The following HBS1L variants were observed in gnomAD, a reference collection of about 807,000 sequenced individuals.
HBS1L encodes HBS1 like translational GTPase.
Under a neutral mutation model 88.9 loss-of-function variants are expected in HBS1L, and 55 were observed. That is an observed-to-expected ratio of 0.62 (90% CI 0.50 to 0.77). The LOEUF (loss-of-function observed/expected upper bound fraction) is 0.77. Ranked by LOEUF, HBS1L falls within the 30% of genes least tolerant of loss-of-function variation. The pLI, the probability that HBS1L is intolerant of heterozygous loss-of-function variation, is 0.00. For synonymous variants in HBS1L, 267 were observed against 288.5 expected, an observed-to-expected ratio of 0.93 and a Z score of 0.76; for missense variants, 741 against 829.3, an observed-to-expected ratio of 0.89 and a Z score of 1.31.
chr6:135,032,183 A>T (rs34784084), intron 4 of HBS1L, among the ~76,000 whole-genome samples: 5,791 of 152,122 alleles, frequency 0.038, 187 homozygotes, highest in Non-Finnish European at 0.06. Context: ...TATAGAAATA[A>T]AACAGTACTT....
At position 134,964,543 on chromosome 6, in the gene HBS1L, G is replaced by A. The variant is rs1489523842; in HGVS notation, c.*736C>T. The A allele has an allele frequency of 6.6e-6, 1 of 152,120 alleles. No individual in the cohort carries two copies. Among genetic ancestry groups the A allele is most frequent in the Non-Finnish European group, 1.5e-5 (1 of 68,010 alleles). 9.4% of individuals were successfully genotyped at this position (152,120 alleles called of 1,614,324 possible). ...TGACAGAGCTAGGAAACTCTTAGGT[G>A]AAAAAGATCCCACAAAACCCCTAAA... On this transcript the variant is annotated 3_prime_UTR_variant, in exon 18 of 18. Coordinates refer to ENST00000367837, the MANE Select transcript of HBS1L (RefSeq NM_006620.4).
At chr6:134,994,147 A>G (rs896420853) in intron 7 of HBS1L, among the ~76,000 whole-genome samples, 3 of 152,158 alleles carry the variant, frequency 2.0e-5, no homozygotes, top group African/African-American at 7.2e-5. Context: ...TTTGTAAGAA[A>G]TAGTGTAAAT....
chr6:134,967,858 C>G (rs1414854516), intron 16 of HBS1L, among the ~76,000 whole-genome samples: 2 of 152,184 alleles, frequency 1.3e-5, no homozygotes, highest in Admixed American at 1.3e-4. Context: ...ACAATACAGC[C>G]TAAAAATAGT....
rs139538692 is a variant in HBS1L, at chr6:134,966,448, A to C, written c.1924T>G (p.Leu642Val). ...GGTCTTTGTGTCTGTAGCTCTACCA[A>C]TGCATTCTGGCCTTTAGTCAAAAAC... ...PKFLTKGQNALVELQTQRPIA... is the reference protein window; with the variant it reads ...PKFLTKGQNAVVELQTQRPIA... The change falls in exon 17 of 18, where the codon TTG becomes GTG. Residue 642 changes from leucine (L) to valine (V), a missense_variant. Transcript: ENST00000367837. 19 of 1,606,840 alleles carry C rather than the reference A, an allele frequency of 1.2e-5. No homozygotes were observed. The highest frequency in any genetic ancestry group is 1.5e-5 in the Non-Finnish European group (18 of 1,176,568).
At chr6:135,044,565 A>C (rs941219167) in intron 2 of HBS1L, among the ~76,000 whole-genome samples, 9 of 152,214 alleles carry the variant, frequency 5.9e-5, no homozygotes, top group Non-Finnish European at 7.3e-5. Context: ...TCTTTCAATC[A>C]AATGACATCT....
chr6:135,006,568 A>G (rs1235211445), intron 4 of HBS1L, among the ~76,000 whole-genome samples: 1 of 152,172 alleles, frequency 6.6e-6, no homozygotes, highest in Non-Finnish European at 1.5e-5. Flanking sequence ...AAGGGGGGGA[A>G]ATGATGAAAG....
At chr6:134,989,566 C>T (rs1400046387) in intron 8 of HBS1L, among the ~76,000 whole-genome samples, 2 of 152,108 alleles carry the variant, frequency 1.3e-5, no homozygotes, top group Non-Finnish European at 2.9e-5. Context: ...TAATCCTCAC[C>T]ATAATGGAAA....
chr6:135,002,951 T>C (rs1775507062), intron 4 of HBS1L, 109 bp from the exon 5 acceptor site: 1 of 631,582 alleles, frequency 1.6e-6, no homozygotes, highest in South Asian at 2.1e-5. Context: ...ACAGAATTAA[T>C]GTCTTTATAA....
intron 4 of HBS1L, chr6:135,037,973 G>A (rs1236905179): frequency 6.5e-7 from 1 of 1,538,184 alleles, no homozygotes; most frequent in Admixed American, 2.1e-5. Flanking sequence ...GCTGACTGAG[G>A]ATAAGAACTT....
intron 7 of HBS1L, 72 bp from the exon 8 acceptor site, chr6:134,993,947 C>A: frequency 1.8e-6 from 1 of 569,140 alleles, no homozygotes; most frequent in Non-Finnish European, 3.0e-6. Context: ...TAATAGTCTA[C>A]ATGACCATCT....
intron 6 of HBS1L, 39 bp downstream of exon 6, chr6:134,997,358 C>T (rs1435960008): frequency 3.7e-6 from 6 of 1,611,190 alleles, no homozygotes; most frequent in Admixed American, 1.7e-5. Context: ...CAGGCTAAGG[C>T]ATGGCTGGCT....
chr6:135,030,244 A>T (rs1776345891), intron 4 of HBS1L, among the ~76,000 whole-genome samples: 1 of 152,202 alleles, frequency 6.6e-6, no homozygotes, highest in Non-Finnish European at 1.5e-5. Flanking sequence ...TTACAACAGA[A>T]AGTCTATGTA....
intron 11 of HBS1L, 103 bp downstream of exon 11, chr6:134,985,963 T>C: frequency 1.5e-6 from 1 of 665,640 alleles, no homozygotes; most frequent in South Asian, 1.9e-5. Context: ...CGACTACAAA[T>C]CCTATGCTTT....
chr6:134,967,751 T>A (rs1774356168), intron 16 of HBS1L, among the ~76,000 whole-genome samples: 1 of 152,200 alleles, frequency 6.6e-6, no homozygotes, highest in Admixed American at 6.5e-5. Context: ...GTAAACCAAC[T>A]GACTAGGTTA....
intron 4 of HBS1L, among the ~76,000 whole-genome samples, chr6:135,014,878 C>T (rs937519840): frequency 1.5e-5 from 2 of 130,566 alleles, no homozygotes; most frequent in African/African-American, 2.9e-5. Context: ...AAAAAAACCA[C>T]AAAAAAATTA....
At chr6:134,996,476 T>C (rs1159411781) in intron 7 of HBS1L, among the ~76,000 whole-genome samples, 1 of 152,196 alleles carries the variant, frequency 6.6e-6, no homozygotes, top group East Asian at 1.9e-4. Context: ...CTTAGGGAAG[T>C]GACAACTGAA....
intron 4 of HBS1L, among the ~76,000 whole-genome samples, chr6:135,025,496 T>G (rs1776201176): frequency 1.0e-5 from 1 of 99,352 alleles, no homozygotes; most frequent in Non-Finnish European, 2.0e-5. Flanking sequence ...GCTTCTGTTT[T>G]GCCTCAGAGA....
rs767138928 is a variant in HBS1L, at chr6:135,054,703, G to C, written c.-12C>G. On this transcript the variant is annotated 5_prime_UTR_variant, in exon 1 of 18. Coordinates refer to ENST00000367837, the MANE Select transcript of HBS1L (RefSeq NM_006620.4). ...CGATGCCGGGCCATGACGGCGGAGA[G>C]GGCGTTTGCCACAGCCCCTTAACTC... is the stretch of plus-strand genomic sequence containing the variant. 3.7e-6 allele frequency: 6 copies of C among 1,614,068 alleles called. No individual in the cohort carries two copies. In the East Asian group the frequency reaches 1.1e-4, roughly 30 times the overall value.
At chr6:135,042,303 G>A (rs545266887) in intron 2 of HBS1L, among the ~76,000 whole-genome samples, 177 bp from the exon 3 acceptor site, 29 of 152,052 alleles carry the variant, frequency 1.9e-4, no homozygotes, top group African/African-American at 5.8e-4. Flanking sequence ...AATCCTACTC[G>A]AAGGTGCTTA....
Sources: allele counts gnomAD v4.1 joint callset (sites outside exome capture counted in the v4.1 genomes callset), GRCh38; gene constraint gnomAD v4.1.1; transcripts MANE v1.5; gene names NCBI Gene and HGNC (gene_info 2026-07-23, HGNC 2026-07-21).